The following NT5DC1 variants were observed in gnomAD, a reference collection of about 807,000 sequenced individuals.
NT5DC1 encodes the protein 5'-nucleotidase domain-containing protein 1.
In NT5DC1, 42 loss-of-function variants were observed where a neutral mutation model predicts 59.4. That is an observed-to-expected ratio of 0.71 (90% CI 0.55 to 0.92). NT5DC1 has a LOEUF of 0.92. NT5DC1 is among the 40% of genes least tolerant of loss of function. The pLI is 0.00. For synonymous variants in NT5DC1, 172 were observed against 188.1 expected, an observed-to-expected ratio of 0.91 and a Z score of 0.70; for missense variants, 501 against 537.1, an observed-to-expected ratio of 0.93 and a Z score of 0.66.
intron 6 of NT5DC1, among the ~76,000 whole-genome samples, chr6:116,147,999 TG>T (rs1209875191): frequency 1.4e-5 from 2 of 141,400 alleles, no homozygotes; most frequent in Admixed American, 6.9e-5. Flanking sequence ...AAAAAAAAGG[TG>T]GGGGGGGTTG....
chr6:116,120,132 G>T (rs762520379), intron 6 of NT5DC1: 60 of 1,614,014 alleles, frequency 3.7e-5, no homozygotes, highest in Non-Finnish European at 4.7e-5. Context: ...GAGGAGTATA[G>T]GCCATTTGAC....
chr6:116,127,499 A>T (rs1224980776), intron 6 of NT5DC1, among the ~76,000 whole-genome samples: 1 of 152,050 alleles, frequency 6.6e-6, no homozygotes, highest in Non-Finnish European at 1.5e-5. Context: ...TTTATAATTC[A>T]TCATTTGGAA....
At chr6:116,112,853 C>T (rs1291787657) in intron 4 of NT5DC1, among the ~76,000 whole-genome samples, 2 of 152,102 alleles carry the variant, frequency 1.3e-5, no homozygotes, top group African/African-American at 4.8e-5. Context: ...TCAGGAACTC[C>T]AGTTGATTTT....
intron 6 of NT5DC1, chr6:116,120,033 G>A: frequency 6.5e-7 from 1 of 1,538,422 alleles, no homozygotes; most frequent in Non-Finnish European, 8.9e-7. Flanking sequence ...GTTAGAGAAT[G>A]CTTTTTCTAG....
intron 6 of NT5DC1, among the ~76,000 whole-genome samples, chr6:116,177,749 T>G (rs1375907201): frequency 6.6e-6 from 1 of 152,148 alleles, no homozygotes; most frequent in African/African-American, 2.4e-5. Context: ...AATAATATTC[T>G]AAAATGTTTT....
intron 6 of NT5DC1, among the ~76,000 whole-genome samples, chr6:116,168,113 T>G (rs1780517324): frequency 6.6e-6 from 1 of 150,642 alleles, no homozygotes; most frequent in African/African-American, 2.4e-5. Flanking sequence ...AAATTCTCCT[T>G]GGAGGGCTTC....
Position 116,248,409 on chromosome 6 carries a change from T to C in NT5DC1, c.*4385T>C, listed in dbSNP as rs1388927658. 1.3e-5 allele frequency: 2 copies of C among 152,248 alleles called. No individual in the cohort carries two copies. Among genetic ancestry groups the C allele is most frequent in the Admixed American group, 1.3e-4 (2 of 15,284 alleles). 9.4% of individuals were successfully genotyped at this position (152,248 alleles called of 1,614,324 possible). A position where few individuals can be genotyped will look rare whatever the true frequency, so the allele number is the denominator to read the frequency against. On this transcript the variant is annotated 3_prime_UTR_variant, in exon 12 of 12. Transcript: ENST00000319550. ...CAAATATCCATGTCTTAAATTGTGA[T>C]TCTCTAGGACAGGGACTCAGTAATT...
At chr6:116,218,267 T>C (rs1426502887) in intron 6 of NT5DC1, among the ~76,000 whole-genome samples, 2 of 152,164 alleles carry the variant, frequency 1.3e-5, no homozygotes, top group Admixed American at 6.5e-5. Flanking sequence ...ATGTTAACAG[T>C]AGCTTTTTAA....
chr6:116,170,217 A>T (rs1429367193), intron 6 of NT5DC1, among the ~76,000 whole-genome samples: 1 of 151,216 alleles, frequency 6.6e-6, no homozygotes, highest in Non-Finnish European at 1.5e-5. Context: ...CTAGGGGATG[A>T]TATGGAATGA....
At chr6:116,123,737 G>A (rs933308466) in intron 6 of NT5DC1, among the ~76,000 whole-genome samples, 2 of 152,186 alleles carry the variant, frequency 1.3e-5, no homozygotes, top group South Asian at 2.1e-4. Flanking sequence ...TCTAAAAAGA[G>A]ACTAAGGTGG....
chr6:116,243,266 GT>G (rs1431033537), intron 11 of NT5DC1, among the ~76,000 whole-genome samples: 1 of 152,254 alleles, frequency 6.6e-6, no homozygotes, highest in East Asian at 1.9e-4. Context: ...TCATTCACCA[GT>G]TTTACATGAT....
chr6:116,220,122 C>CTTT (rs60827021), intron 6 of NT5DC1, among the ~76,000 whole-genome samples: 1,504 of 98,610 alleles, frequency 0.015, 43 homozygotes, highest in African/African-American at 0.028. Context: ...GCTGTTTAAC[C>CTTT]TTTTTTTTTT....
At chr6:116,124,492 G>A (rs1562126844) in intron 6 of NT5DC1, among the ~76,000 whole-genome samples, 1 of 152,166 alleles carries the variant, frequency 6.6e-6, no homozygotes, top group Non-Finnish European at 1.5e-5. Context: ...GGACAGGTAA[G>A]CAACAGATTC....
chr6:116,150,576 C>G (rs532808466), intron 6 of NT5DC1, among the ~76,000 whole-genome samples: 54 of 152,306 alleles, frequency 3.5e-4, no homozygotes, highest in South Asian at 6.2e-4. Flanking sequence ...TGAGTCACTG[C>G]ACCTGGCCTT....
At chr6:116,185,946 ATTG>A (rs1195804017) in intron 6 of NT5DC1, among the ~76,000 whole-genome samples, 1 of 151,628 alleles carries the variant, frequency 6.6e-6, no homozygotes, top group Non-Finnish European at 1.5e-5. Context: ...TTTTCATTGT[ATTG>A]TTGTTTTATA....
At chr6:116,205,438 C>G (rs1429922852) in intron 6 of NT5DC1, among the ~76,000 whole-genome samples, 3 of 150,594 alleles carry the variant, frequency 2.0e-5, no homozygotes, top group Non-Finnish European at 4.4e-5. Context: ...TAACATTTAA[C>G]CTTAGAAAGA....
At chr6:116,203,051 T>A (rs1206351281) in intron 6 of NT5DC1, among the ~76,000 whole-genome samples, 2 of 152,000 alleles carry the variant, frequency 1.3e-5, no homozygotes, top group Non-Finnish European at 2.9e-5. Context: ...TCCCACAGAT[T>A]ATGATATTAA....
chr6:116,210,366 GA>G (rs35069756), intron 6 of NT5DC1, among the ~76,000 whole-genome samples: 29,471 of 146,532 alleles, frequency 0.2, 3,776 homozygotes, highest in Middle Eastern at 0.34. Context: ...TGTACCATGT[GA>G]AAAAAAAAAA....
chr6:116,223,735 T>A (rs1781856062), intron 8 of NT5DC1, among the ~76,000 whole-genome samples: 1 of 152,230 alleles, frequency 6.6e-6, no homozygotes, highest in Admixed American at 6.5e-5. Flanking sequence ...GACAGTGTTT[T>A]GATATCTGTT....
Sources: allele counts gnomAD v4.1 joint callset (sites outside exome capture counted in the v4.1 genomes callset), GRCh38; gene constraint gnomAD v4.1.1; transcripts MANE v1.5; gene names NCBI Gene and HGNC (gene_info 2026-07-23, HGNC 2026-07-21).